Variants in SLC24A2 observed in about 807,000 individuals in gnomAD.
The protein encoded by SLC24A2 is sodium/potassium/calcium exchanger 2.
Under a neutral mutation model 62.0 loss-of-function variants are expected in SLC24A2, and 36 were observed. The ratio of observed to expected loss-of-function variants is 0.58; its 90% CI spans 0.44 to 0.77. SLC24A2 has a LOEUF of 0.77. SLC24A2 is among the 30% of genes least tolerant of loss of function. The pLI is 0.00. For synonymous variants in SLC24A2, 358 were observed against 294.0 expected (o/e 1.22, Z -2.23); for missense variants, 846 against 817.9 (o/e 1.03, Z -0.42).
intron 2 of SLC24A2, among the ~76,000 whole-genome samples, chr9:19,694,777 G>A (rs796742872): frequency 9.2e-5 from 14 of 152,252 alleles, no homozygotes; most frequent in African/African-American, 2.6e-4. Flanking sequence ...CTACCCTATG[G>A]AGACAGGAGG....
chr9:20,059,950 A>C, the SLC24A2 span, among the ~76,000 whole-genome samples: 106 of 152,232 alleles, frequency 7.0e-4, no homozygotes, highest in African/African-American at 2.4e-3. Context: ...AAATCACTAA[A>C]AGCAGAAATA....
chr9:19,773,598 T>A (rs961500112), intron 2 of SLC24A2, among the ~76,000 whole-genome samples: 3 of 152,234 alleles, frequency 2.0e-5, no homozygotes, highest in Non-Finnish European at 4.4e-5. Flanking sequence ...TGAACACTCA[T>A]CATCACCACT....
the SLC24A2 span, among the ~76,000 whole-genome samples, chr9:20,156,785 T>G: frequency 2.6e-5 from 4 of 151,946 alleles, no homozygotes; most frequent in East Asian, 3.9e-4. Flanking sequence ...ACTGTTCTTG[T>G]GCACTAAGTA....
intron 2 of SLC24A2, among the ~76,000 whole-genome samples, chr9:19,687,255 G>A (rs923429546): frequency 3.3e-5 from 5 of 152,012 alleles, no homozygotes; most frequent in African/African-American, 1.2e-4. Context: ...TAACAAATCT[G>A]CACATGTTCC....
chr9:20,129,237 A>G, the SLC24A2 span, among the ~76,000 whole-genome samples: 2 of 152,116 alleles, frequency 1.3e-5, no homozygotes, highest in Non-Finnish European at 2.9e-5. Context: ...TCAAAACTAT[A>G]AACGAGATAC....
the SLC24A2 span, among the ~76,000 whole-genome samples, chr9:20,104,036 G>A: frequency 6.6e-6 from 1 of 152,178 alleles, no homozygotes; most frequent in Non-Finnish European, 1.5e-5. Context: ...CAAGGCTCAA[G>A]AACTACATGA....
At chr9:20,013,151 CAT>C in the SLC24A2 span, among the ~76,000 whole-genome samples, 6 of 152,080 alleles carry the variant, frequency 3.9e-5, no homozygotes, top group Middle Eastern at 0.01. Context: ...AGATTTCAAA[CAT>C]ATTATAATGT....
the SLC24A2 span, among the ~76,000 whole-genome samples, chr9:19,994,362 C>T: frequency 6.6e-6 from 1 of 152,130 alleles, no homozygotes; most frequent in South Asian, 2.1e-4. Flanking sequence ...ATTACCCATG[C>T]ACACAATAAA....
the SLC24A2 span, among the ~76,000 whole-genome samples, chr9:20,116,861 T>C: frequency 4.6e-5 from 7 of 152,236 alleles, no homozygotes; most frequent in South Asian, 2.1e-4. Context: ...GATCATCCAA[T>C]TGTAATAAAG....
intron 5 of SLC24A2, among the ~76,000 whole-genome samples, chr9:19,583,195 G>T (rs945737716): frequency 6.6e-6 from 1 of 152,250 alleles, no homozygotes; most frequent in East Asian, 1.9e-4. Context: ...AGCCACGCTG[G>T]TCTCTTTGCT....
At chr9:19,535,584 T>A (rs1833924249) in intron 8 of SLC24A2, among the ~76,000 whole-genome samples, 1 of 152,220 alleles carries the variant, frequency 6.6e-6, no homozygotes, top group African/African-American at 2.4e-5. Flanking sequence ...TAGCCAATTT[T>A]CCCAGCACCA....
intron 2 of SLC24A2, among the ~76,000 whole-genome samples, chr9:19,769,797 T>A (rs1822630265): frequency 6.6e-6 from 1 of 152,082 alleles, no homozygotes; most frequent in Non-Finnish European, 1.5e-5. Flanking sequence ...AGATGGCACC[T>A]TTCTTTTTGC....
the SLC24A2 span, among the ~76,000 whole-genome samples, chr9:20,169,805 A>T: frequency 0.01 from 1,559 of 152,134 alleles, 29 homozygotes; most frequent in African/African-American, 0.034. Context: ...ACACTAGGTC[A>T]ACAGCAATGG....
At chr9:20,184,522 C>T in the SLC24A2 span, among the ~76,000 whole-genome samples, 1 of 152,166 alleles carries the variant, frequency 6.6e-6, no homozygotes, top group Admixed American at 6.5e-5. Flanking sequence ...GCACTCCAGC[C>T]TGGCAACAGA....
intron 4 of SLC24A2, among the ~76,000 whole-genome samples, chr9:19,597,808 CTCT>C: frequency 6.6e-6 from 1 of 152,332 alleles, no homozygotes. Flanking sequence ...ACTTCCCTTT[CTCT>C]TCTTATATTT....
At chr9:19,679,767 T>C (rs1222993658) in intron 2 of SLC24A2, among the ~76,000 whole-genome samples, 1 of 152,010 alleles carries the variant, frequency 6.6e-6, no homozygotes, top group Non-Finnish European at 1.5e-5. Flanking sequence ...ATCTTGCAGA[T>C]GGCAAAACTG....
the SLC24A2 span, among the ~76,000 whole-genome samples, chr9:20,301,167 G>T: frequency 2.0e-5 from 3 of 152,180 alleles, no homozygotes; most frequent in African/African-American, 7.2e-5. Flanking sequence ...TCTACCTCCA[G>T]TATCTTCTTG....
At chr9:19,558,711 T>G (rs1390852407) in intron 7 of SLC24A2, among the ~76,000 whole-genome samples, 2 of 152,216 alleles carry the variant, frequency 1.3e-5, no homozygotes, top group African/African-American at 2.4e-5. Flanking sequence ...GAGAAGAATA[T>G]GCACAACAAA....
At chr9:20,218,916 T>C in the SLC24A2 span, among the ~76,000 whole-genome samples, 98 of 152,240 alleles carry the variant, frequency 6.4e-4, 1 homozygote, top group South Asian at 2.1e-3. Flanking sequence ...CTCAGAGTCA[T>C]TGGGAACCCA....
Sources: gnomAD v4.1 joint callset for allele counts (sites outside exome capture counted in the v4.1 genomes callset) on GRCh38, gnomAD v4.1.1 for gene constraint, MANE v1.5 for transcripts, NCBI Gene and HGNC (gene_info 2026-07-23, HGNC 2026-07-21) for gene names.